The following OSTF1 variants were observed in gnomAD, a reference collection of about 807,000 sequenced individuals.
OSTF1 encodes osteoclast-stimulating factor 1.
Under a neutral mutation model 37.2 loss-of-function variants are expected in OSTF1, and 27 were observed. The observed-to-expected ratio is 0.73, with a 90% confidence interval of 0.54 to 1.00. The LOEUF (loss-of-function observed/expected upper bound fraction) is 1.00, where lower values mean the gene tolerates loss of function less well. Ranked by LOEUF, OSTF1 falls within the 50% of genes least tolerant of loss-of-function variation. The pLI is 0.00. For synonymous variants in OSTF1, 82 were observed against 89.2 expected, an observed-to-expected ratio of 0.92 and a Z score of 0.46; for missense variants, 232 against 253.8, an observed-to-expected ratio of 0.91 and a Z score of 0.58.
intron 2 of OSTF1, among the ~76,000 whole-genome samples, chr9:75,121,015 G>A (rs1825572398): frequency 6.6e-6 from 1 of 152,344 alleles, no homozygotes; most frequent in Middle Eastern, 3.4e-3. Context: ...CATAGACACA[G>A]CGTCTGAGGA....
intron 1 of OSTF1, among the ~76,000 whole-genome samples, chr9:75,107,868 C>T (rs1403131182): frequency 6.6e-6 from 1 of 152,134 alleles, no homozygotes; most frequent in Admixed American, 6.5e-5. Context: ...GCATCGGTAA[C>T]CCTCATGCCT....
chr9:75,114,142 A>G (rs1287069750), intron 1 of OSTF1, among the ~76,000 whole-genome samples: 3 of 150,502 alleles, frequency 2.0e-5, no homozygotes, highest in East Asian at 1.9e-4. Flanking sequence ...TTAAGACTGA[A>G]TAGTATTCTA....
chr9:75,142,210 T>C (rs1825954753), intron 9 of OSTF1, among the ~76,000 whole-genome samples: 1 of 152,140 alleles, frequency 6.6e-6, no homozygotes, highest in Non-Finnish European at 1.5e-5. Flanking sequence ...TCCTCATGGA[T>C]AGATGGAGAT....
chr9:75,096,811 C>G (rs985986890), intron 1 of OSTF1, among the ~76,000 whole-genome samples: 1 of 152,132 alleles, frequency 6.6e-6, no homozygotes, highest in South Asian at 2.1e-4. Flanking sequence ...AGAAGCCCCT[C>G]TAGGTTTTAG....
intron 9 of OSTF1, among the ~76,000 whole-genome samples, chr9:75,142,315 A>G (rs568593122): frequency 2.4e-4 from 36 of 152,228 alleles, no homozygotes; most frequent in African/African-American, 7.7e-4. Context: ...TGTGAGAGAC[A>G]TACTTCTGCT....
chr9:75,097,853 T>G (rs1825115413), intron 1 of OSTF1, among the ~76,000 whole-genome samples: 1 of 115,592 alleles, frequency 8.7e-6, no homozygotes, highest in Non-Finnish European at 2.0e-5. Flanking sequence ...TATGCCTCAG[T>G]TTTTTTTTTT....
chr9:75,099,084 G>C (rs1309967609), intron 1 of OSTF1, among the ~76,000 whole-genome samples: 4 of 152,098 alleles, frequency 2.6e-5, no homozygotes, highest in Non-Finnish European at 1.5e-5. Flanking sequence ...TTGCAGGCAT[G>C]CACCACCATG....
At chr9:75,146,628 A>T in intron 9 of OSTF1, 55 bp from the exon 10 acceptor site, 1 of 1,167,948 alleles carries the variant, frequency 8.6e-7, no homozygotes, top group Non-Finnish European at 1.3e-6. Flanking sequence ...AAAAAATAAA[A>T]TCTGAGCAGT....
chr9:75,134,093 A>G (rs1378676030), intron 6 of OSTF1, among the ~76,000 whole-genome samples: 2 of 152,228 alleles, frequency 1.3e-5, no homozygotes, highest in African/African-American at 4.8e-5. Context: ...AAAGTATTAT[A>G]GTGAATGTAA....
chr9:75,145,138 C>CCTATCTATCTAT (rs759211679), intron 9 of OSTF1, among the ~76,000 whole-genome samples: 23 of 95,858 alleles, frequency 2.4e-4, no homozygotes, highest in Non-Finnish European at 3.8e-4. Context: ...TATCTGCCTG[C>CCTATCTATCTAT]CTATCTATCT....
At chr9:75,135,429 A>G (rs1825827109) in intron 7 of OSTF1, among the ~76,000 whole-genome samples, 1 of 150,150 alleles carries the variant, frequency 6.7e-6, no homozygotes, top group Admixed American at 6.7e-5. Context: ...AATGATTATG[A>G]TGAACTCTTT....
intron 2 of OSTF1, among the ~76,000 whole-genome samples, chr9:75,126,799 G>A (rs191139122): frequency 1.1e-4 from 16 of 152,268 alleles, no homozygotes; most frequent in Non-Finnish European, 2.1e-4. Context: ...CACCATCTTG[G>A]CCAGGCTGGT....
intron 2 of OSTF1, among the ~76,000 whole-genome samples, chr9:75,119,557 C>T (rs571446783): frequency 5.3e-5 from 8 of 152,292 alleles, no homozygotes; most frequent in South Asian, 2.1e-4. Context: ...ATCAAGGTGT[C>T]GGCAGGATTG....
chr9:75,130,900 T>A (rs1347293952), intron 4 of OSTF1, among the ~76,000 whole-genome samples: 1 of 152,220 alleles, frequency 6.6e-6, no homozygotes, highest in East Asian at 1.9e-4. Flanking sequence ...TTTTACTTTC[T>A]TCAACCCTTA....
At chr9:75,121,055 A>C (rs1013538433) in intron 2 of OSTF1, among the ~76,000 whole-genome samples, 15 of 152,182 alleles carry the variant, frequency 9.9e-5, no homozygotes, top group Admixed American at 7.2e-4. Flanking sequence ...CAGAGCCCGC[A>C]CTAGGGTTCA....
At chr9:75,127,525 T>A (rs772729865) in intron 2 of OSTF1, 44 bp from the exon 3 acceptor site, 1 of 1,116,148 alleles carries the variant, frequency 9.0e-7, no homozygotes, top group Non-Finnish European at 1.3e-6. Context: ...CATATTCTAA[T>A]TCATGAAAAA....
In OSTF1 at chr9:75,131,823, G is replaced by C; in HGVS notation, c.250G>C (p.Gly84Arg). The C allele has an allele frequency of 6.2e-7, 1 of 1,611,030 alleles. No homozygotes were observed. The highest frequency in any genetic ancestry group is 8.5e-7 in the Non-Finnish European group (1 of 1,177,296). Residue 84 changes from glycine (G) to arginine (R), a missense_variant and splice_region_variant, in exon 5 of 10, where the codon GGC (glycine) becomes CGC (arginine). By Grantham distance (125) the Gly-to-Arg change is moderately radical. Transcript: ENST00000346234. ...DNPLHEAAKR[G>R]NLSWLRECLD... is the part of the protein sequence containing the mutation. ...TCCATTGCATGAAGCAGCAAAAAGA[G>C]GTAGGTGTGATTCTTTTTGACTGAG...
chr9:75,116,050 G>A (rs2118509343), intron 1 of OSTF1, among the ~76,000 whole-genome samples: 1 of 152,196 alleles, frequency 6.6e-6, no homozygotes, highest in Non-Finnish European at 1.5e-5. Context: ...GTTCCAGTGA[G>A]CTGAGATTGT....
intron 9 of OSTF1, among the ~76,000 whole-genome samples, chr9:75,141,330 AAAAAAAAAAG>A (rs1825940821): frequency 6.6e-6 from 1 of 151,248 alleles, no homozygotes; most frequent in Non-Finnish European, 1.5e-5. Flanking sequence ...AAAAAAAAAA[AAAAAAAAAAG>A]ATAAACTCTT....
Sources: allele counts gnomAD v4.1 joint callset (sites outside exome capture counted in the v4.1 genomes callset), GRCh38; gene constraint gnomAD v4.1.1; transcripts MANE v1.5; gene names NCBI Gene and HGNC (gene_info 2026-07-23, HGNC 2026-07-21).